The following PDE4A variants were observed in gnomAD, a reference collection of about 807,000 sequenced individuals.
PDE4A encodes the protein 3',5'-cyclic-AMP phosphodiesterase 4A.
Under a neutral mutation model 73.9 loss-of-function variants are expected in PDE4A, and 21 were observed. That is an observed-to-expected ratio of 0.28 (90% CI 0.20 to 0.41). The LOEUF (loss-of-function observed/expected upper bound fraction) is 0.41, where lower values mean the gene tolerates loss of function less well. PDE4A is among the 10% of genes least tolerant of loss of function. The pLI, the probability that PDE4A is intolerant of heterozygous loss-of-function variation, is 1.00. For synonymous variants in PDE4A, 463 were observed against 505.4 expected (o/e 0.92, Z 1.13); for missense variants, 958 against 1,211.4 (o/e 0.79, Z 3.10).
chr19:10,452,458 T>C (rs980508853), intron 6 of PDE4A, among the ~76,000 whole-genome samples: 1 of 148,728 alleles, frequency 6.7e-6, no homozygotes, highest in Non-Finnish European at 1.5e-5. Flanking sequence ...AAAAGAAATG[T>C]GGCTGGTATC....
intron 1 of PDE4A, among the ~76,000 whole-genome samples, chr19:10,438,354 G>A (rs866911834): frequency 1.3e-5 from 2 of 150,686 alleles, no homozygotes; most frequent in African/African-American, 2.4e-5. Context: ...CTTGTGATCC[G>A]CCCGCCTCCG....
chr19:10,430,669 G>C (rs1343946613), intron 1 of PDE4A, among the ~76,000 whole-genome samples: 1 of 151,520 alleles, frequency 6.6e-6, no homozygotes, highest in Non-Finnish European at 1.5e-5. Flanking sequence ...AGAGCCGTGC[G>C]GGCGCCCCAG....
chr19:10,455,189 G>A (rs894311326), intron 7 of PDE4A, among the ~76,000 whole-genome samples: 4 of 152,160 alleles, frequency 2.6e-5, no homozygotes, highest in South Asian at 2.1e-4. Flanking sequence ...AGCGCCGGGC[G>A]CGGTGGCTCA....
chr19:10,418,741 C>A (rs1365523696), upstream of PDE4A: 1 of 985,104 alleles, frequency 1.0e-6, no homozygotes, highest in African/African-American at 1.7e-5. Context: ...ACACCCCCAC[C>A]CACCTCACAT....
chr19:10,433,573 C>T (rs1454761453), intron 1 of PDE4A, among the ~76,000 whole-genome samples: 1 of 152,186 alleles, frequency 6.6e-6, no homozygotes, highest in African/African-American at 2.4e-5. Context: ...CACAGGCACC[C>T]ATGAGCACCC....
upstream of PDE4A, chr19:10,417,451 A>G (rs993152993): frequency 1.0e-6 from 1 of 983,374 alleles, no homozygotes; most frequent in Non-Finnish European, 1.2e-6. Context: ...GGGACCCCAC[A>G]AAAATTATGG....
In PDE4A at chr19:10,467,667, C is replaced by A; in HGVS notation, c.*46C>A. The A allele has an allele frequency of 7.1e-7, 1 of 1,410,508 alleles. No homozygotes were observed. The highest frequency in any genetic ancestry group is 9.6e-7 in the Non-Finnish European group (1 of 1,042,438). 87.4% of individuals were successfully genotyped at this position (1,410,508 alleles called of 1,614,324 possible). On this transcript the variant is annotated 3_prime_UTR_variant, in exon 15 of 15. Transcript: ENST00000380702. ...TTCCCCTCCACTCCTCCCCTCACTC[C>A]CCTGCTCCCCCGACCACCTCCTCCT...
At chr19:10,438,825 C>T (rs992570337) in intron 1 of PDE4A, among the ~76,000 whole-genome samples, 28 of 152,098 alleles carry the variant, frequency 1.8e-4, no homozygotes, top group Admixed American at 2.6e-4. Context: ...AGGCTGGTCT[C>T]GAACTCCCAA....
At chr19:10,454,994 G>A (rs999578583) in intron 7 of PDE4A, 72 bp downstream of exon 7, 12 of 1,455,232 alleles carry the variant, frequency 8.2e-6, no homozygotes, top group Non-Finnish European at 9.6e-6. Flanking sequence ...CCTGACCGTG[G>A]GTCCTGTTGC....
At chr19:10,432,305 G>T in intron 1 of PDE4A, 1 of 1,213,964 alleles carries the variant, frequency 8.2e-7, no homozygotes, top group Middle Eastern at 3.2e-4. Context: ...CTGTCCCTGG[G>T]GGGGTCACCA....
chr19:10,427,934 G>A, intron 1 of PDE4A: 1 of 767,488 alleles, frequency 1.3e-6, no homozygotes, highest in Non-Finnish European at 1.6e-6. Flanking sequence ...GGTGGAGGTT[G>A]CAGTGAGCCA....
At chr19:10,440,585 G>A (rs1025731099) in intron 1 of PDE4A, among the ~76,000 whole-genome samples, 19 of 151,952 alleles carry the variant, frequency 1.3e-4, no homozygotes, top group African/African-American at 4.1e-4. Context: ...CGCCATGCCT[G>A]GCTAATTATT....
chr19:10,453,345 G>A lies in PDE4A; in HGVS notation c.784-1484G>A, dbSNP rs2043123216. 1 of 1,569,146 alleles carries A rather than the reference G, an allele frequency of 6.4e-7. No homozygotes were observed. Among genetic ancestry groups the A allele is most frequent in the Non-Finnish European group, 8.8e-7 (1 of 1,141,840 alleles). The stretch of plus-strand genomic sequence containing the variant: ...GTGGGACCAGGTAGGAGAGTGCAGG[G>A]TAGGGGGTGGGCGGGCATCCTGGTG... On this transcript the variant is annotated intron_variant, in intron 6 of 14. Transcript: ENST00000380702. This position sits in a 1 kb window ranked among gnomAD's most constrained non-coding sequence, Gnocchi z 4.6.
intron 7 of PDE4A, 98 bp from the exon 8 acceptor site, chr19:10,457,781 G>A: frequency 3.9e-6 from 6 of 1,539,004 alleles, no homozygotes; most frequent in Non-Finnish European, 5.2e-6. Context: ...GCCGTTTCGG[G>A]TGAGCCTTCC....
upstream of PDE4A, chr19:10,419,482 G>C (rs1444897634): frequency 6.6e-6 from 1 of 152,220 alleles, no homozygotes; most frequent in Non-Finnish European, 1.5e-5. Flanking sequence ...ACGGGGGTGC[G>C]CTCCGCGGCT....
At chr19:10,437,528 T>A (rs2042881704) in intron 1 of PDE4A, among the ~76,000 whole-genome samples, 1 of 151,616 alleles carries the variant, frequency 6.6e-6, no homozygotes, top group Admixed American at 6.6e-5. Flanking sequence ...CAAGCAATCA[T>A]CTTGCATCAG....
rs142235107 is a variant in PDE4A, at chr19:10,459,733, G to A, written c.1339G>A (p.Val447Ile). 3.9e-5 allele frequency: 63 copies of A among 1,613,274 alleles called. 1 individual carries two copies. In the South Asian group the frequency reaches 4.4e-4, roughly 11 times the overall value. ...AGCTGACGTGCTGCAGTCCACCCAC[G>A]TACTGCTGGCCACGCCTGCACTAGA... The part of the protein sequence containing the change: ...HAADVLQSTH[V>I]LLATPALDAV... The change falls in exon 10 of 15, where the codon GTA becomes ATA. Residue 447 changes from valine to isoleucine, a missense_variant. Around this residue, in one of 3 missense-constraint regions of PDE4A, gnomAD observed 570 missense variants for 827.7 expected, o/e 0.69. Coordinates refer to ENST00000380702, the MANE Select transcript of PDE4A (RefSeq NM_001111307.2).
intron 1 of PDE4A, among the ~76,000 whole-genome samples, chr19:10,443,338 T>C (rs2042962561): frequency 6.6e-6 from 1 of 151,640 alleles, no homozygotes; most frequent in Non-Finnish European, 1.5e-5. Flanking sequence ...TGAGCCCAGG[T>C]GTTCCAGACC....
At chr19:10,432,295 C>A in intron 1 of PDE4A, 1 of 1,159,286 alleles carries the variant, frequency 8.6e-7, no homozygotes, top group Non-Finnish European at 1.1e-6. Flanking sequence ...CCGCCCGGGG[C>A]TGTCCCTGGG....
Sources: allele counts gnomAD v4.1 joint callset (sites outside exome capture counted in the v4.1 genomes callset), GRCh38; gene constraint gnomAD v4.1.1; regional missense constraint gnomAD v4.1.1; non-coding constraint Gnocchi (gnomAD v3.1); transcripts MANE v1.5; gene names NCBI Gene and HGNC (gene_info 2026-07-23, HGNC 2026-07-21).